Variants in ADAMTS20 observed in about 807,000 individuals in gnomAD.
ADAMTS20 encodes A disintegrin and metalloproteinase with thrombospondin motifs 20.
ADAMTS20 carries 225 observed loss-of-function variants against 260.1 expected under a neutral mutation model. That is an observed-to-expected ratio of 0.87 (90% CI 0.78 to 0.97). ADAMTS20 has a LOEUF of 0.97. Among genes scored for constraint, ADAMTS20 ranks in the 50% least tolerant of loss-of-function variants. The probability of loss-of-function intolerance (pLI) is 0.00; values close to 1 mark genes in which losing one functional copy is unlikely to be tolerated. For synonymous variants in ADAMTS20, 802 were observed against 769.5 expected (o/e 1.04, Z -0.70); for missense variants, 2,400 against 2,337.7 (o/e 1.03, Z -0.55).
At chr12:43,409,624 A>AAAAAAAAAAAAAAAG (rs1565684968) in intron 28 of ADAMTS20, among the ~76,000 whole-genome samples, 1 of 140,502 alleles carries the variant, frequency 7.1e-6, no homozygotes, top group African/African-American at 2.6e-5. Context: ...AAAAAAAAAA[A>AAAAAAAAAAAAAAAG]AAAAAACAAG....
At chr12:43,396,980 A>G (rs1037327283) in intron 29 of ADAMTS20, among the ~76,000 whole-genome samples, 92 of 152,172 alleles carry the variant, frequency 6.0e-4, no homozygotes, top group Non-Finnish European at 1.9e-4. Context: ...CTGGGAGTTA[A>G]CTGCTGGACA....
At chr12:43,499,618 C>T (rs1373943109) in intron 4 of ADAMTS20, among the ~76,000 whole-genome samples, 1 of 151,920 alleles carries the variant, frequency 6.6e-6, no homozygotes, top group East Asian at 1.9e-4. Context: ...AATTCTCCTG[C>T]CTCAGCCTCC....
chr12:43,460,797 T>C (rs575452205), intron 11 of ADAMTS20, among the ~76,000 whole-genome samples: 2 of 151,404 alleles, frequency 1.3e-5, no homozygotes, highest in Non-Finnish European at 2.9e-5. Context: ...CTTAAAAATA[T>C]TATGTTGAAC....
At chr12:43,372,345 C>G (rs2137204422) in intron 36 of ADAMTS20, among the ~76,000 whole-genome samples, 1 of 152,256 alleles carries the variant, frequency 6.6e-6, no homozygotes, top group East Asian at 1.9e-4. Context: ...GATCCAAATG[C>G]TGCTGATGCA....
At chr12:43,459,804 T>C (rs1224387488) in intron 11 of ADAMTS20, among the ~76,000 whole-genome samples, 1 of 152,238 alleles carries the variant, frequency 6.6e-6, no homozygotes, top group Non-Finnish European at 1.5e-5. Context: ...ACTATGTGCG[T>C]GTGCATTTTG....
chr12:43,390,686 A>G (rs1443307865), intron 29 of ADAMTS20, among the ~76,000 whole-genome samples: 3 of 152,180 alleles, frequency 2.0e-5, no homozygotes, highest in African/African-American at 7.2e-5. Flanking sequence ...ACACTGTCCA[A>G]TAACAATTTC....
intron 3 of ADAMTS20, among the ~76,000 whole-genome samples, chr12:43,514,063 TA>T (rs940962121): frequency 8.1e-6 from 1 of 123,244 alleles, no homozygotes; most frequent in Admixed American, 8.8e-5. Flanking sequence ...AGTATAATTT[TA>T]AAAAAAAGAG....
At chr12:43,483,778 G>C (rs922902487) in intron 7 of ADAMTS20, among the ~76,000 whole-genome samples, 1 of 152,176 alleles carries the variant, frequency 6.6e-6, no homozygotes, top group African/African-American at 2.4e-5. Context: ...AGGCTGAGAT[G>C]TCTGCCCAAC....
chr12:43,422,190 T>C (rs994395218), intron 28 of ADAMTS20, among the ~76,000 whole-genome samples: 17 of 152,034 alleles, frequency 1.1e-4, no homozygotes, highest in African/African-American at 3.9e-4. Context: ...AAAATTTAAA[T>C]GTATCTTAAA....
At chr12:43,504,942 A>G (rs905999850) in intron 3 of ADAMTS20, among the ~76,000 whole-genome samples, 2 of 152,194 alleles carry the variant, frequency 1.3e-5, no homozygotes, top group African/African-American at 4.8e-5. Context: ...CATCTACCCT[A>G]TGACATTGCA....
chr12:43,507,221 A>G (rs564980711), intron 3 of ADAMTS20, among the ~76,000 whole-genome samples: 6 of 152,314 alleles, frequency 3.9e-5, no homozygotes, highest in African/African-American at 1.4e-4. Context: ...CCTTGAATAT[A>G]TACAGTTTTT....
rs150608234 is a variant in ADAMTS20, at chr12:43,496,444, T to C, written c.868-3191A>G. ...GCATTCTGAACCAATTAGTTCTTGG[T>C]ACAAAACATTTGAAGACATTTCAAA... On this transcript the variant is annotated intron_variant, in intron 4 of 38. Coordinates refer to ENST00000389420, the MANE Select transcript of ADAMTS20 (RefSeq NM_025003.5). Among the ~76,000 whole-genome samples the C allele has an allele frequency of 2.9e-4, 44 of 152,334 alleles. No individual in the cohort carries two copies. The East Asian group carries it at 7.3e-3, about 25-fold the overall frequency.
chr12:43,463,043 C>T, intron 10 of ADAMTS20, 44 bp from the exon 11 acceptor site: 1 of 1,314,820 alleles, frequency 7.6e-7, no homozygotes, highest in Non-Finnish European at 1.1e-6. Context: ...AAAGATAACA[C>T]CACAACACTG....
Position 43,551,143 on chromosome 12 carries a change from G to A in ADAMTS20, c.219C>T (p.Pro73=), listed in dbSNP as rs975947631. 1 of 1,613,822 alleles carries A rather than the reference G, an allele frequency of 6.2e-7. No homozygotes were observed. Among genetic ancestry groups the A allele is most frequent in the Non-Finnish European group, 8.5e-7 (1 of 1,179,876 alleles). ...AGCGATAGTGGGTTCGGAACGGCAT[G>A]GGTTCCAGCGCCTCGGAGCTGCGTT... is the stretch of plus-strand genomic sequence containing the variant. ...RQKRSSEALE[P]MPFRTHYRFT... Residue 73 remains proline (P), a synonymous_variant, in exon 2 of 39, where the codon CCC becomes CCT. Coordinates refer to ENST00000389420, the MANE Select transcript of ADAMTS20 (RefSeq NM_025003.5). This position sits in a 1 kb window ranked among gnomAD's most constrained non-coding sequence, Gnocchi z 4.6.
At chr12:43,462,779 A>T in intron 11 of ADAMTS20, 116 bp downstream of exon 11, 1 of 739,060 alleles carries the variant, frequency 1.4e-6, no homozygotes, top group Non-Finnish European at 2.2e-6. Context: ...CAATAACATT[A>T]ATTCGACTAG....
At chr12:43,460,988 A>ATATATATTTTTTT in intron 11 of ADAMTS20, among the ~76,000 whole-genome samples, 6 of 26,390 alleles carry the variant, frequency 2.3e-4, no homozygotes, top group Non-Finnish European at 4.0e-4. Flanking sequence ...ATATATATAT[A>ATATATATTTTTTT]TTTTTTTTTT....
At chr12:43,364,648 G>T (rs1463206740) in intron 37 of ADAMTS20, among the ~76,000 whole-genome samples, 3 of 152,032 alleles carry the variant, frequency 2.0e-5, no homozygotes, top group African/African-American at 7.3e-5. Flanking sequence ...AACTTAAAGG[G>T]ATGTTAATGA....
intron 9 of ADAMTS20, among the ~76,000 whole-genome samples, 158 bp downstream of exon 9, chr12:43,466,494 C>T (rs1244454549): frequency 6.6e-6 from 1 of 151,682 alleles, no homozygotes; most frequent in African/African-American, 2.4e-5. Flanking sequence ...TACACATGAA[C>T]ACAACTCTTC....
intron 2 of ADAMTS20, among the ~76,000 whole-genome samples, chr12:43,549,028 T>A (rs1176988902): frequency 1.3e-5 from 2 of 152,062 alleles, no homozygotes; most frequent in African/African-American, 4.8e-5. Flanking sequence ...AATCATTTTA[T>A]TTGTTTGTAA....
Sources: gnomAD v4.1 joint callset for allele counts (sites outside exome capture counted in the v4.1 genomes callset) on GRCh38, gnomAD v4.1.1 for gene constraint, Gnocchi (gnomAD v3.1) non-coding constraint, MANE v1.5 for transcripts, NCBI Gene and HGNC (gene_info 2026-07-23, HGNC 2026-07-21) for gene names.